The following VWA8 variants were observed in gnomAD, a reference collection of about 807,000 sequenced individuals.
VWA8 encodes von Willebrand factor A domain-containing protein 8.
VWA8 carries 221 observed loss-of-function variants against 241.5 expected under a neutral mutation model. The observed-to-expected ratio is 0.91, with a 90% CI of 0.82 to 1.02. VWA8 has a LOEUF of 1.02. Ranked by LOEUF, VWA8 falls within the 50% of genes least tolerant of loss-of-function variation. The pLI, the probability that VWA8 is intolerant of heterozygous loss-of-function variation, is 0.00. For missense variants in VWA8, 2,322 were observed against 2,328.7 expected (o/e 1.00, Z 0.06); for synonymous variants, 852 against 827.1 (o/e 1.03, Z -0.52).
At chr13:41,711,809 G>A (rs1024030446) in intron 26 of VWA8, among the ~76,000 whole-genome samples, 1 of 152,000 alleles carries the variant, frequency 6.6e-6, no homozygotes, top group Non-Finnish European at 1.5e-5. Flanking sequence ...GGGAGGCGGA[G>A]CTTACAGTGA....
chr13:41,819,813 G>A (rs1001704725), intron 14 of VWA8, among the ~76,000 whole-genome samples: 3 of 152,106 alleles, frequency 2.0e-5, no homozygotes, highest in Non-Finnish European at 4.4e-5. Context: ...AGACCAAGAG[G>A]CACAATTCAG....
intron 4 of VWA8, among the ~76,000 whole-genome samples, chr13:41,895,642 A>G (rs1442772342): frequency 6.6e-6 from 1 of 152,128 alleles, no homozygotes; most frequent in Non-Finnish European, 1.5e-5. Flanking sequence ...CTGCCTAAAA[A>G]TATCTGAAAA....
Position 41,691,920 on chromosome 13 carries a change from T to G in VWA8, c.3694A>C (p.Lys1232Gln). The G allele has an allele frequency of 6.2e-7, 1 of 1,609,750 alleles. No homozygotes were observed. The change falls in exon 31 of 45, where the codon AAA becomes CAA. Residue 1232 changes from lysine to glutamine, a missense_variant. Coordinates refer to ENST00000379310, the MANE Select transcript of VWA8 (RefSeq NM_015058.2). The stretch of plus-strand genomic sequence containing the variant: ...AGCCAGTTTTTGTGTGAAAATTCTT[T>G]ACACATTTTATAAGTTTCCTAAAGA... ...KEEAETYKMC[K>Q]EFSHKNWLVF...
chr13:41,938,707 G>A (rs115767412), intron 2 of VWA8, among the ~76,000 whole-genome samples: 3 of 151,956 alleles, frequency 2.0e-5, no homozygotes, highest in South Asian at 4.1e-4. Context: ...CATAATGAGA[G>A]GCAATTAATC....
chr13:41,674,447 T>C (rs959052270), intron 36 of VWA8, among the ~76,000 whole-genome samples: 2 of 151,966 alleles, frequency 1.3e-5, no homozygotes, highest in African/African-American at 4.8e-5. Context: ...GATTGCAATA[T>C]AGGTCAAAAT....
intron 2 of VWA8, among the ~76,000 whole-genome samples, chr13:41,938,894 T>C (rs995414473): frequency 6.6e-6 from 1 of 152,220 alleles, no homozygotes; most frequent in Non-Finnish European, 1.5e-5. Context: ...ATGTTCTATA[T>C]TATCTATATT....
rs1017543122 is a variant in VWA8, at chr13:41,567,206, A to C, written c.*991T>G. 6.6e-6 allele frequency: 1 copy of C among 152,186 alleles called. No individual in the cohort carries two copies. Among genetic ancestry groups the C allele is most frequent in the African/African-American group, 2.4e-5 (1 of 41,462 alleles). The allele number at this position is 152,186 out of a possible 1,614,324, so 9.4% of individuals were successfully genotyped here. Reference sequence around the variant, plus strand: ...CCAAGAGTGTGTGGGAATAAGGTACATTTTGAAAGAAAAGAGAATGAGGCT... The same window carrying C: ...CCAAGAGTGTGTGGGAATAAGGTACCTTTTGAAAGAAAAGAGAATGAGGCT... On this transcript the variant is annotated 3_prime_UTR_variant, in exon 45 of 45. Transcript: ENST00000379310.
chr13:41,694,662 C>T (rs1345107049), intron 29 of VWA8, among the ~76,000 whole-genome samples: 5 of 151,924 alleles, frequency 3.3e-5, no homozygotes, highest in East Asian at 1.9e-4. Context: ...ATATGTACAA[C>T]GTTAAAATGA....
chr13:41,951,100 G>A (rs186653559), intron 1 of VWA8, among the ~76,000 whole-genome samples: 169 of 152,258 alleles, frequency 1.1e-3, no homozygotes, highest in African/African-American at 3.8e-3. Context: ...GTGCATAAAA[G>A]GAATAAAGCC....
chr13:41,786,962 G>A (rs1445841424), intron 18 of VWA8, among the ~76,000 whole-genome samples: 5 of 151,772 alleles, frequency 3.3e-5, no homozygotes, highest in African/African-American at 7.3e-5. Context: ...GGTGGAAATG[G>A]AATGAATAAG....
intron 37 of VWA8, among the ~76,000 whole-genome samples, chr13:41,623,047 C>T (rs2044667041): frequency 6.6e-6 from 1 of 152,140 alleles, no homozygotes; most frequent in African/African-American, 2.4e-5. Flanking sequence ...CTAGGGGAAG[C>T]CACGTGGTCT....
At chr13:41,569,125 T>G (rs933596632) in intron 44 of VWA8, among the ~76,000 whole-genome samples, 4 of 151,178 alleles carry the variant, frequency 2.6e-5, no homozygotes, top group African/African-American at 4.9e-5. Context: ...AATTCAACCA[T>G]CCTGTGTAGT....
rs1163688745 is a variant in VWA8 at position 41,783,846 on chromosome 13, A to G, written c.2226T>C (p.Asn742=). 1 of 1,613,740 alleles carries G rather than the reference A, an allele frequency of 6.2e-7. No individual in the cohort carries two copies. Among genetic ancestry groups the G allele is most frequent in the Non-Finnish European group, 8.5e-7 (1 of 1,179,964 alleles). The change falls in exon 19 of 45, where the codon AAT becomes AAC. Residue 742 remains asparagine, a synonymous_variant. Coordinates refer to ENST00000379310, the MANE Select transcript of VWA8 (RefSeq NM_015058.2). ...RIGAVSAPIY[N]AHEKMKVPDV... ...CAGGCACTTTCATTTTCTCATGTGC[A>G]TTATAGATCGGTGCACTAACAGCAC...
intron 18 of VWA8, among the ~76,000 whole-genome samples, chr13:41,785,670 GC>G (rs1161121055): frequency 2.6e-5 from 4 of 152,132 alleles, no homozygotes; most frequent in African/African-American, 7.2e-5. Flanking sequence ...CAGTAACTTC[GC>G]CCTTCAATAG....
At chr13:41,595,747 C>CA (rs1167542441) in intron 40 of VWA8, among the ~76,000 whole-genome samples, 2 of 152,082 alleles carry the variant, frequency 1.3e-5, no homozygotes, top group Non-Finnish European at 2.9e-5. Context: ...ACAATTTACC[C>CA]ATTCTACAAT....
At chr13:41,803,934 A>C (rs189604561) in intron 17 of VWA8, among the ~76,000 whole-genome samples, 2 of 152,372 alleles carry the variant, frequency 1.3e-5, no homozygotes, top group Admixed American at 6.5e-5. Flanking sequence ...AAAATTGATC[A>C]AGCAAAAGAA....
intron 40 of VWA8, among the ~76,000 whole-genome samples, chr13:41,593,117 G>A (rs2044467089): frequency 6.6e-6 from 1 of 152,122 alleles, no homozygotes; most frequent in Non-Finnish European, 1.5e-5. Flanking sequence ...TCTGTTTTAG[G>A]GCCAGGTCAG....
intron 20 of VWA8, among the ~76,000 whole-genome samples, chr13:41,763,407 C>T (rs1202398334): frequency 5.3e-5 from 8 of 152,080 alleles, no homozygotes; most frequent in East Asian, 1.9e-4. Context: ...TTAAGGTTAT[C>T]GGAGCTGAAT....
intron 9 of VWA8, among the ~76,000 whole-genome samples, chr13:41,871,371 T>C (rs192198945): frequency 0.012 from 1,791 of 152,234 alleles, 25 homozygotes; most frequent in Admixed American, 0.025. Context: ...TAGTTACATA[T>C]GTATACATGT....
Sources: gnomAD v4.1 joint callset for allele counts (sites outside exome capture counted in the v4.1 genomes callset) on GRCh38, gnomAD v4.1.1 for gene constraint, MANE v1.5 for transcripts, NCBI Gene and HGNC (gene_info 2026-07-23, HGNC 2026-07-21) for gene names.